Variants in ANKS1A observed in about 807,000 individuals in gnomAD.
ANKS1A encodes ankyrin repeat and SAM domain-containing protein 1A.
Under a neutral mutation model 120.3 loss-of-function variants are expected in ANKS1A, and 55 were observed. That is an observed-to-expected ratio of 0.46 (90% CI 0.37 to 0.57). The LOEUF is 0.57. ANKS1A is among the 20% of genes least tolerant of loss of function. The pLI, the probability that ANKS1A is intolerant of heterozygous loss-of-function variation, is 0.00. For missense variants in ANKS1A, 1,123 were observed against 1,480.3 expected (o/e 0.76, Z 3.96); for synonymous variants, 590 against 604.7 (o/e 0.98, Z 0.36).
chr6:34,982,664 C>T lies in ANKS1A; in HGVS notation c.733-88C>T. On this transcript the variant is annotated intron_variant, in intron 4 of 23. Transcript: ENST00000360359. This position sits in a 1 kb window ranked among gnomAD's most constrained non-coding sequence, Gnocchi z 4.9. ...TTGTGTAGTTTGTTTTATTTTGTGT[C>T]CCTTCTTGTCTGTGTCCCCTTTGTC... 1 of 1,286,994 alleles carries T rather than the reference C, an allele frequency of 7.8e-7. No individual in the cohort carries two copies. The highest frequency in any genetic ancestry group is 1.2e-5 in the South Asian group (1 of 83,278). The allele number at this position is 1,286,994 out of a possible 1,614,324, so 79.7% of individuals were successfully genotyped here.
Position 35,085,614 on chromosome 6 carries a change from AGTAAAGG to A in ANKS1A, c.3133-151_3133-145del. On this transcript the variant is annotated intron_variant, in intron 21 of 23. Transcript: ENST00000360359. The surrounding 1 kb of genome is among the most constrained non-coding windows in gnomAD (Gnocchi z 4.7). Reference sequence around the variant, plus strand: ...GGAAGAACAACAGAGACCTAGGAAGAGTAAAGGAGGGAAAGGAGGGAAGAGTGGAAGG... The same window carrying A: ...GGAAGAACAACAGAGACCTAGGAAGAAGGGAAAGGAGGGAAGAGTGGAAGG... 13 of 241,328 alleles carry A rather than the reference AGTAAAGG, an allele frequency of 5.4e-5. 5 individuals carry two copies. Among genetic ancestry groups the A allele is most frequent in the South Asian group, 7.8e-5 (1 of 12,800 alleles). The allele number at this position is 241,328 out of a possible 1,614,324, so 14.9% of individuals were successfully genotyped here. A position where few individuals can be genotyped will look rare whatever the true frequency, so the allele number is the denominator to read the frequency against.
intron 1 of ANKS1A, among the ~76,000 whole-genome samples, chr6:34,906,068 T>TC (rs1262649163): frequency 2.6e-5 from 4 of 152,180 alleles, no homozygotes; most frequent in Non-Finnish European, 1.5e-5. Flanking sequence ...TTCTGCCTAA[T>TC]CCCACCTCAA....
At chr6:34,992,431 T>C (rs1001348944) in intron 9 of ANKS1A, among the ~76,000 whole-genome samples, 61 of 152,278 alleles carry the variant, frequency 4.0e-4, no homozygotes, top group Non-Finnish European at 6.0e-4. Flanking sequence ...AAGGATATTA[T>C]AGGCTGGGCA....
intron 1 of ANKS1A, among the ~76,000 whole-genome samples, chr6:34,956,463 T>C (rs1004292584): frequency 2.0e-5 from 3 of 152,116 alleles, no homozygotes; most frequent in African/African-American, 7.2e-5. Context: ...AAAAAGCTGA[T>C]TGGATGTTCT....
rs1181687114 is a variant in ANKS1A, at chr6:34,982,000, T to TG, written c.732+19dup. On this transcript the variant is annotated intron_variant, in intron 4 of 23. Coordinates refer to ENST00000360359, the MANE Select transcript of ANKS1A (RefSeq NM_015245.3). ...AGCAACTACCAGGTAGCAGGGCGGGTGGGGGCTCCTCCAATCTCAAGAGAC... is the reference window on the plus strand; with the variant it reads ...AGCAACTACCAGGTAGCAGGGCGGGTGGGGGGCTCCTCCAATCTCAAGAGAC... 1 of 1,612,248 alleles carries TG rather than the reference T, an allele frequency of 6.2e-7. No individual in the cohort carries two copies. The highest frequency in any genetic ancestry group is 1.3e-5 in the African/African-American group (1 of 74,838).
At chr6:34,923,376 C>A (rs570892220) in intron 1 of ANKS1A, among the ~76,000 whole-genome samples, 1 of 152,150 alleles carries the variant, frequency 6.6e-6, no homozygotes, top group African/African-American at 2.4e-5. Context: ...AAGGCTTTTT[C>A]GTCTTTGGGA....
rs16895869 is a variant in ANKS1A at position 34,946,720 on chromosome 6, A to C, written c.198-20519A>C. ...AACCATAATGTCTTGGTTTTGAGTC[A>C]GTCCCTAAATTTTCACCAGTAATTG... On this transcript the variant is annotated intron_variant, in intron 1 of 23. Transcript: ENST00000360359. 5.2e-3 allele frequency among the ~76,000 whole-genome samples: 786 copies of C among 152,350 alleles called. 17 individuals carry two copies. The East Asian group carries it at 0.085, about 16-fold the overall frequency.
intron 10 of ANKS1A, among the ~76,000 whole-genome samples, chr6:34,997,332 G>A (rs1324324797): frequency 2.6e-5 from 4 of 151,970 alleles, no homozygotes; most frequent in African/African-American, 9.7e-5. Flanking sequence ...ATGTAGCTGG[G>A]ATTACAGGCA....
chr6:35,070,812 C>T, intron 13 of ANKS1A: 1 of 496,614 alleles, frequency 2.0e-6, no homozygotes, highest in Non-Finnish European at 3.8e-6. Context: ...CCCAGACACC[C>T]CTTTCTTTTT....
At chr6:34,933,127 T>C (rs1034407613) in intron 1 of ANKS1A, among the ~76,000 whole-genome samples, 1 of 152,258 alleles carries the variant, frequency 6.6e-6, no homozygotes, top group Non-Finnish European at 1.5e-5. Flanking sequence ...TTTGGAAAGA[T>C]GATTTTTCAA....
chr6:35,012,145 A>G (rs1390850961), intron 10 of ANKS1A, among the ~76,000 whole-genome samples: 2 of 152,182 alleles, frequency 1.3e-5, no homozygotes, highest in Non-Finnish European at 2.9e-5. Context: ...ACTAGCCTAA[A>G]TCCCAAAGCC....
At chr6:34,986,499 C>A (rs993082187) in intron 8 of ANKS1A, among the ~76,000 whole-genome samples, 1 of 152,168 alleles carries the variant, frequency 6.6e-6, no homozygotes, top group African/African-American at 2.4e-5. Flanking sequence ...AATTTTCAGG[C>A]CTGTGTTATT....
intron 1 of ANKS1A, among the ~76,000 whole-genome samples, chr6:34,928,978 G>A (rs764001950): frequency 8.5e-5 from 13 of 152,202 alleles, no homozygotes; most frequent in Non-Finnish European, 1.9e-4. Context: ...GGGCAAGTCT[G>A]TTCACCTCTT....
rs753753053 is a variant in ANKS1A at position 34,967,329 on chromosome 6, A to G, written c.278+10A>G. On this transcript the variant is annotated intron_variant, in intron 2 of 23. Coordinates refer to ENST00000360359, the MANE Select transcript of ANKS1A (RefSeq NM_015245.3). Reference sequence around the variant, plus strand: ...CTTTGAATGGCCATAAGTAAGTATCAATGTACTACATTCCTGCCTTCACCC... The same window carrying G: ...CTTTGAATGGCCATAAGTAAGTATCGATGTACTACATTCCTGCCTTCACCC... The G allele has an allele frequency of 6.2e-7, 1 of 1,613,176 alleles. No homozygotes were observed. The highest frequency in any genetic ancestry group is 1.1e-5 in the South Asian group (1 of 90,956).
At chr6:35,074,237 G>T (rs957736228) in intron 13 of ANKS1A, among the ~76,000 whole-genome samples, 1 of 152,224 alleles carries the variant, frequency 6.6e-6, no homozygotes, top group Non-Finnish European at 1.5e-5. Context: ...GGACGTCCAC[G>T]TCCTCTTGGA....
chr6:34,938,911 C>T (rs1248584351), intron 1 of ANKS1A, among the ~76,000 whole-genome samples: 1 of 152,192 alleles, frequency 6.6e-6, no homozygotes, highest in African/African-American at 2.4e-5. Flanking sequence ...TTGCTTGAAC[C>T]CGGGAGGTGG....
In ANKS1A at chr6:35,017,774, C is replaced by G; in HGVS notation, c.1725C>G (p.Thr575=). The change falls in exon 11 of 24, where the codon ACC becomes ACG. Residue 575 remains threonine, a synonymous_variant. Transcript: ENST00000360359. The stretch of plus-strand genomic sequence containing the variant: ...GCTACCTCACAGGCCTGCCCACCAC[C>G]AACAGCCGCTCGCACCCTGAAACTT... ...RVGYLTGLPT[T]NSRSHPETLT... is the part of the protein sequence containing the mutation. The G allele has an allele frequency of 6.2e-7, 1 of 1,614,160 alleles. No individual in the cohort carries two copies. The highest frequency in any genetic ancestry group is 1.1e-5 in the South Asian group (1 of 91,088).
At chr6:35,039,536 G>T (rs940599729) in intron 11 of ANKS1A, 1 of 456,064 alleles carries the variant, frequency 2.2e-6, no homozygotes, top group African/African-American at 2.0e-5. Context: ...TTGATAAAAA[G>T]TTGACAGCTT....
intron 1 of ANKS1A, among the ~76,000 whole-genome samples, chr6:34,913,458 C>G (rs1767997253): frequency 6.6e-6 from 1 of 152,150 alleles, no homozygotes. Flanking sequence ...TCCTGAGTAG[C>G]TAGGACCACA....
Sources: allele counts gnomAD v4.1 joint callset (sites outside exome capture counted in the v4.1 genomes callset), GRCh38; gene constraint gnomAD v4.1.1; non-coding constraint Gnocchi (gnomAD v3.1); transcripts MANE v1.5; gene names NCBI Gene and HGNC (gene_info 2026-07-23, HGNC 2026-07-21).